Variants in PAFAH1B1 observed in about 807,000 individuals in gnomAD.
PAFAH1B1 encodes the protein platelet-activating factor acetylhydrolase IB subunit beta.
PAFAH1B1 carries 2 observed loss-of-function variants against 57.5 expected under a neutral mutation model. That is an observed-to-expected ratio of 0.03 (90% CI 0.01 to 0.11). PAFAH1B1 has a LOEUF of 0.11. Among genes scored for constraint, PAFAH1B1 ranks in the 10% least tolerant of loss-of-function variants. The pLI is 1.00. For synonymous variants in PAFAH1B1, 152 were observed against 169.6 expected, an observed-to-expected ratio of 0.90 and a Z score of 0.81; for missense variants, 257 against 512.0, an observed-to-expected ratio of 0.50 and a Z score of 4.81.
chr17:2,678,464 G>T (rs1221472475), intron 9 of PAFAH1B1, among the ~76,000 whole-genome samples: 1 of 151,772 alleles, frequency 6.6e-6, no homozygotes, highest in Non-Finnish European at 1.5e-5. Flanking sequence ...TACTCGGGAG[G>T]CTGAGGCTTG....
chr17:2,641,184 C>T (rs943381610), intron 2 of PAFAH1B1: 4 of 152,280 alleles, frequency 2.6e-5, no homozygotes, highest in East Asian at 1.9e-4. Context: ...GAGTCTCACT[C>T]TATTACCCAG....
At chr17:2,646,170 A>G (rs142549070) in intron 2 of PAFAH1B1, among the ~76,000 whole-genome samples, 33 of 152,292 alleles carry the variant, frequency 2.2e-4, no homozygotes, top group Non-Finnish European at 3.8e-4. Flanking sequence ...AGACCTTAAT[A>G]AAATAGAAAA....
intron 2 of PAFAH1B1, among the ~76,000 whole-genome samples, chr17:2,656,793 T>C (rs1219483758): frequency 6.6e-6 from 1 of 152,258 alleles, no homozygotes; most frequent in Admixed American, 6.5e-5. Context: ...TGTATACTTC[T>C]GACACTTCTG....
At chr17:2,655,001 A>G in intron 2 of PAFAH1B1, among the ~76,000 whole-genome samples, 1 of 146,000 alleles carries the variant, frequency 6.8e-6, no homozygotes. Context: ...GAGTAGTGCA[A>G]TGGCATGATC....
chr17:2,669,520 A>G (rs1412906632), intron 5 of PAFAH1B1, among the ~76,000 whole-genome samples: 1 of 152,080 alleles, frequency 6.6e-6, no homozygotes, highest in African/African-American at 2.4e-5. Context: ...TGGCCTTCCT[A>G]AGTGCTGGGA....
chr17:2,660,307 T>A (rs913023115), intron 2 of PAFAH1B1, among the ~76,000 whole-genome samples: 3 of 152,124 alleles, frequency 2.0e-5, no homozygotes, highest in Non-Finnish European at 4.4e-5. Flanking sequence ...TAGGTAAATG[T>A]GTGCCATGGT....
intron 8 of PAFAH1B1, 39 bp from the exon 9 acceptor site, chr17:2,676,466 C>G: frequency 7.9e-7 from 1 of 1,271,152 alleles, no homozygotes; most frequent in African/African-American, 1.5e-5. Context: ...TACCTAACTT[C>G]TTGTGTGGGA....
rs1187002903 is a variant in PAFAH1B1 at position 2,683,669 on chromosome 17, T to G, written c.*1867T>G. On this transcript the variant is annotated 3_prime_UTR_variant, in exon 11 of 11. Coordinates refer to ENST00000397195, the MANE Select transcript of PAFAH1B1 (RefSeq NM_000430.4). ...GGACAAAAATTACATCTTAAGCTAATTCCTTAAATACATACAGTAGGTGAA... is the reference window on the plus strand; with the variant it reads ...GGACAAAAATTACATCTTAAGCTAAGTCCTTAAATACATACAGTAGGTGAA... The G allele has an allele frequency of 6.6e-6, 1 of 152,636 alleles. No homozygotes were observed. The highest frequency in any genetic ancestry group is 1.9e-4 in the East Asian group (1 of 5,194). The allele number at this position is 152,636 out of a possible 1,614,324, so 9.5% of individuals were successfully genotyped here. A position where few individuals can be genotyped will look rare whatever the true frequency, so the allele number is the denominator to read the frequency against.
chr17:2,633,369 T>C (rs889499459), intron 1 of PAFAH1B1, among the ~76,000 whole-genome samples: 3 of 151,858 alleles, frequency 2.0e-5, no homozygotes, highest in African/African-American at 7.3e-5. Flanking sequence ...GGTTTCGCCA[T>C]GTTGGTCAGG....
chr17:2,679,499 TGATTGGATGGATGGA>T (rs2069336534), intron 9 of PAFAH1B1, among the ~76,000 whole-genome samples: 2 of 128,524 alleles, frequency 1.6e-5, no homozygotes, highest in African/African-American at 5.9e-5. Context: ...GATGGATGGA[TGATTGGATGGATGGA>T]TGGATGGATG....
chr17:2,597,655 C>T (rs949806475), intron 1 of PAFAH1B1, among the ~76,000 whole-genome samples: 3 of 151,720 alleles, frequency 2.0e-5, no homozygotes, highest in African/African-American at 7.3e-5. Context: ...GTGATCCGCC[C>T]GCCTCTGCCT....
intron 2 of PAFAH1B1, among the ~76,000 whole-genome samples, chr17:2,643,041 T>G (rs1386561892): frequency 6.6e-6 from 1 of 151,974 alleles, no homozygotes; most frequent in African/African-American, 2.4e-5. Context: ...ATCTTCTTAT[T>G]TCTCCCTCTT....
intron 1 of PAFAH1B1, among the ~76,000 whole-genome samples, chr17:2,602,780 T>A (rs117008551): frequency 1.1e-3 from 169 of 152,336 alleles, no homozygotes; most frequent in Admixed American, 6.6e-3. Context: ...TACGCCAGGC[T>A]CTGTTTTAAG....
At chr17:2,636,168 A>G (rs190979698) in intron 1 of PAFAH1B1, among the ~76,000 whole-genome samples, 38 of 152,256 alleles carry the variant, frequency 2.5e-4, no homozygotes, top group African/African-American at 8.7e-4. Flanking sequence ...TTAAGTACCA[A>G]AGAAGTATGG....
chr17:2,636,473 G>A (rs951436830), intron 1 of PAFAH1B1, among the ~76,000 whole-genome samples: 1 of 151,940 alleles, frequency 6.6e-6, no homozygotes, highest in African/African-American at 2.4e-5. Flanking sequence ...TTGTTTTTGA[G>A]ACGGACTCTT....
At chr17:2,680,936 T>G (rs2069374560) in intron 10 of PAFAH1B1, 1 of 166,368 alleles carries the variant, frequency 6.0e-6, no homozygotes, top group African/African-American at 2.4e-5. Flanking sequence ...GACTGTGTAT[T>G]GTTAGATTTG....
At chr17:2,666,124 A>G (rs2069104147) in intron 4 of PAFAH1B1, 34 bp downstream of exon 4, 2 of 1,380,978 alleles carry the variant, frequency 1.4e-6, no homozygotes, top group African/African-American at 2.9e-5. Context: ...AATTAGTTGT[A>G]TTCAGTTATA....
chr17:2,613,939 G>C (rs1186389502), intron 1 of PAFAH1B1: 1 of 187,552 alleles, frequency 5.3e-6, no homozygotes, highest in Non-Finnish European at 1.1e-5. Flanking sequence ...GCGACAGCAA[G>C]AGGGGGCGGC....
intron 2 of PAFAH1B1, among the ~76,000 whole-genome samples, chr17:2,652,075 T>G (rs1047033661): frequency 1.3e-5 from 2 of 152,178 alleles, no homozygotes; most frequent in Non-Finnish European, 2.9e-5. Context: ...TTATATAGCT[T>G]GTATCCTTTT....
Sources: allele counts gnomAD v4.1 joint callset (sites outside exome capture counted in the v4.1 genomes callset), GRCh38; gene constraint gnomAD v4.1.1; transcripts MANE v1.5; gene names NCBI Gene and HGNC (gene_info 2026-07-23, HGNC 2026-07-21).